The following ETS1 variants were observed in gnomAD, a reference collection of about 807,000 sequenced individuals.
ETS1 encodes the protein ETS proto-oncogene 1, transcription factor.
ETS1 carries 15 observed loss-of-function variants against 58.6 expected under a neutral mutation model. The ratio of observed to expected loss-of-function variants is 0.26; its 90% CI spans 0.17 to 0.39. The LOEUF (loss-of-function observed/expected upper bound fraction) is 0.39, where lower values mean the gene tolerates loss of function less well. Ranked by LOEUF, ETS1 falls within the 10% of genes least tolerant of loss-of-function variation. ETS1 has a pLI of 1.00. For synonymous variants in ETS1, 214 were observed against 218.2 expected, an observed-to-expected ratio of 0.98 and a Z score of 0.17; for missense variants, 417 against 610.5, an observed-to-expected ratio of 0.68 and a Z score of 3.34.
intron 3 of ETS1, among the ~76,000 whole-genome samples, chr11:128,538,741 CACACAT>C (rs1486832236): frequency 0.041 from 6,031 of 146,692 alleles, 380 homozygotes; most frequent in African/African-American, 0.15. Context: ...CACACACACA[CACACAT>C]ACACACATAC....
At chr11:128,473,803 AAAAG>A in intron 8 of ETS1, among the ~76,000 whole-genome samples, 1 of 152,198 alleles carries the variant, frequency 6.6e-6, no homozygotes, top group Non-Finnish European at 1.5e-5. Context: ...CCGTCCAGAG[AAAAG>A]AAAGAAGTGC....
In ETS1 at chr11:128,524,389, T is replaced by G. The variant is rs142771499; in HGVS notation, c.214+31902A>C. ...TGCGTAAAGCAGCAGTTTGGAGAGA[T>G]AGCCAGGCGCCACCACAGGCTGCCA... is the stretch of plus-strand genomic sequence containing the variant. On this transcript the variant is annotated intron_variant, in intron 3 of 9. Coordinates refer to ENST00000392668, the MANE Select transcript of ETS1 (RefSeq NM_001143820.2). 3.2e-3 allele frequency among the ~76,000 whole-genome samples: 489 copies of G among 152,264 alleles called. 5 individuals carry two copies. The highest frequency in any genetic ancestry group is 0.011 in the African/African-American group (464 of 41,548).
rs150106986 is a variant in ETS1 at position 128,524,232 on chromosome 11, C to T, written c.214+32059G>A. Among the ~76,000 whole-genome samples the T allele has an allele frequency of 5.0e-3, 766 of 152,344 alleles. 9 individuals are homozygous for T. Among genetic ancestry groups the T allele is most frequent in the African/African-American group, 0.017 (705 of 41,574 alleles). On this transcript the variant is annotated intron_variant, in intron 3 of 9. Coordinates refer to ENST00000392668, the MANE Select transcript of ETS1 (RefSeq NM_001143820.2). ...ATGATTAAACTGTAAACACTTTCCA[C>T]TCTAGCAATGAGGAAAATTATTCTT... is the stretch of plus-strand genomic sequence containing the variant.
chr11:128,498,390 T>A (rs1369617488), intron 3 of ETS1, among the ~76,000 whole-genome samples: 4 of 152,142 alleles, frequency 2.6e-5, no homozygotes, highest in Admixed American at 2.6e-4. Flanking sequence ...AAATGGAAAT[T>A]GACATCCCCT....
At chr11:128,562,165 G>A (rs1220719103) in intron 2 of ETS1, among the ~76,000 whole-genome samples, 1 of 152,206 alleles carries the variant, frequency 6.6e-6, no homozygotes, top group Non-Finnish European at 1.5e-5. Context: ...CACTTTGGGA[G>A]GCCGGGAGGC....
chr11:128,586,340 G>A (rs1865030760), intron 1 of ETS1, among the ~76,000 whole-genome samples: 1 of 152,066 alleles, frequency 6.6e-6, no homozygotes, highest in Non-Finnish European at 1.5e-5. Context: ...CTCCATTCAG[G>A]AACAACAGGT....
At chr11:128,509,231 T>C (rs1385624944) in intron 3 of ETS1, among the ~76,000 whole-genome samples, 1 of 152,242 alleles carries the variant, frequency 6.6e-6, no homozygotes, top group East Asian at 1.9e-4. Context: ...AGATTCTTTA[T>C]TTTTAAAAAT....
Position 128,487,695 on chromosome 11 carries a change from C to T in ETS1, c.536-1549G>A, listed in dbSNP as rs1413599292. ...CGAAGGTTGCAGTGAGCCGACATCG[C>T]GCGACTGCACTCCAGCCTGGGTGAC... On this transcript the variant is annotated intron_variant, in intron 5 of 9. Transcript: ENST00000392668. 4.6e-5 allele frequency among the ~76,000 whole-genome samples: 7 copies of T among 152,068 alleles called. No individual in the cohort carries two copies. The East Asian group carries it at 5.8e-4, about 13-fold the overall frequency.
chr11:128,476,055 C>T (rs1170235705), intron 8 of ETS1, among the ~76,000 whole-genome samples: 1 of 152,076 alleles, frequency 6.6e-6, no homozygotes, highest in Non-Finnish European at 1.5e-5. Flanking sequence ...TGGGTTTAGC[C>T]TTTTTCAGGC....
intron 3 of ETS1, among the ~76,000 whole-genome samples, chr11:128,533,634 C>G (rs1863932066): frequency 6.6e-6 from 1 of 152,146 alleles, no homozygotes. Context: ...CCTGTTCTAC[C>G]TGCCCAGCAC....
intron 3 of ETS1, among the ~76,000 whole-genome samples, chr11:128,552,061 G>A (rs999620368): frequency 6.6e-6 from 1 of 151,982 alleles, no homozygotes; most frequent in African/African-American, 2.4e-5. Context: ...TCTGGGGTAC[G>A]GCTCGAGATT....
chr11:128,580,001 T>A (rs1165829927), intron 1 of ETS1, among the ~76,000 whole-genome samples: 1 of 151,822 alleles, frequency 6.6e-6, no homozygotes, highest in Non-Finnish European at 1.5e-5. Context: ...TGCTCCTGAA[T>A]GATGAGTAAC....
chr11:128,542,764 G>A (rs1292501685), intron 3 of ETS1, among the ~76,000 whole-genome samples: 1 of 152,194 alleles, frequency 6.6e-6, no homozygotes, highest in Admixed American at 6.6e-5. Context: ...AGGTATCTGT[G>A]TGTGACTCAG....
At chr11:128,533,603 C>CT (rs1863931457) in intron 3 of ETS1, among the ~76,000 whole-genome samples, 1 of 152,146 alleles carries the variant, frequency 6.6e-6, no homozygotes, top group African/African-American at 2.4e-5. Flanking sequence ...TTTTTACAGG[C>CT]TTTTTTCCCT....
intron 3 of ETS1, among the ~76,000 whole-genome samples, chr11:128,520,007 A>G (rs1406256049): frequency 6.6e-6 from 1 of 152,218 alleles, no homozygotes; most frequent in Non-Finnish European, 1.5e-5. Context: ...GCCAGTTGAA[A>G]TTTTGTTGTA....
chr11:128,572,141 T>G (rs1313343612), intron 2 of ETS1: 1 of 151,750 alleles, frequency 6.6e-6, no homozygotes, highest in African/African-American at 2.4e-5. Flanking sequence ...GGCGTGGTGG[T>G]GCAGGTCTGT....
chr11:128,493,960 A>G lies in ETS1; in HGVS notation c.215-3384T>C, dbSNP rs559468793. Among the ~76,000 whole-genome samples, 62 of 152,362 alleles carry G rather than the reference A, an allele frequency of 4.1e-4. 2 individuals carry two copies. Among genetic ancestry groups the G allele is most frequent in the African/African-American group, 1.4e-3 (59 of 41,594 alleles). ...TCATTACACGGGTGAAAAATCTGAC[A>G]TGACTTAGCCTAAGCAGATATCGCT... On this transcript the variant is annotated intron_variant, in intron 3 of 9. Coordinates refer to ENST00000392668, the MANE Select transcript of ETS1 (RefSeq NM_001143820.2).
intron 7 of ETS1, among the ~76,000 whole-genome samples, chr11:128,482,202 A>C (rs1862505448): frequency 6.6e-6 from 1 of 152,202 alleles, no homozygotes; most frequent in African/African-American, 2.4e-5. Flanking sequence ...CAAGAAATTC[A>C]CACTAAATGA....
intron 3 of ETS1, among the ~76,000 whole-genome samples, chr11:128,547,665 C>T (rs1250970170): frequency 1.3e-5 from 2 of 151,766 alleles, no homozygotes; most frequent in African/African-American, 4.8e-5. Context: ...TCCCACCTAA[C>T]AGAGATCCCA....
Sources: gnomAD v4.1 joint callset for allele counts (sites outside exome capture counted in the v4.1 genomes callset) on GRCh38, gnomAD v4.1.1 for gene constraint, MANE v1.5 for transcripts, NCBI Gene and HGNC (gene_info 2026-07-23, HGNC 2026-07-21) for gene names.